CDH1: variants seen among roughly 807,000 people sequenced by gnomAD.
The protein encoded by CDH1 is cadherin 1, also known as cadherin-1.
A neutral mutation model predicts 84.5 loss-of-function variants in CDH1; 35 were observed. The ratio of observed to expected loss-of-function variants is 0.41; its 90% CI spans 0.32 to 0.55. CDH1 has a LOEUF of 0.55. Among genes scored for constraint, CDH1 ranks in the 20% least tolerant of loss-of-function variants. The pLI is 0.19. For missense variants in CDH1, 994 were observed against 1,126.6 expected (o/e 0.88, Z 1.68); for synonymous variants, 417 against 439.0 (o/e 0.95, Z 0.63).
intron 2 of CDH1, among the ~76,000 whole-genome samples, chr16:68,768,674 G>A (rs1017389709): frequency 6.6e-6 from 1 of 152,084 alleles, no homozygotes; most frequent in Non-Finnish European, 1.5e-5. Context: ...GCCTCCATAG[G>A]GAGATACCAT....
chr16:68,810,743 G>A (rs1307267185), intron 6 of CDH1, among the ~76,000 whole-genome samples: 1 of 151,828 alleles, frequency 6.6e-6, no homozygotes, highest in Non-Finnish European at 1.5e-5. Flanking sequence ...GCGGGGGCCT[G>A]TAATCCCAGC....
chr16:68,780,470 A>G lies in CDH1; in HGVS notation c.164-21200A>G, dbSNP rs552939781. Among the ~76,000 whole-genome samples, 6 of 151,976 alleles carry G rather than the reference A, an allele frequency of 3.9e-5. No individual in the cohort carries two copies. The South Asian group carries it at 1.2e-3, about 32-fold the overall frequency. On this transcript the variant is annotated intron_variant, in intron 2 of 15. Coordinates refer to ENST00000261769, the MANE Select transcript of CDH1 (RefSeq NM_004360.5). Reference sequence around the variant, plus strand: ...AGGTGTGCACCACCACACCTGGCTAATTTTTGTATTTTTAGTAGAGATAGG... The same window carrying G: ...AGGTGTGCACCACCACACCTGGCTAGTTTTTGTATTTTTAGTAGAGATAGG...
chr16:68,823,152 C>T, intron 12 of CDH1: 1 of 499,824 alleles, frequency 2.0e-6, no homozygotes, highest in South Asian at 2.1e-5. Context: ...TAAGCCTCTC[C>T]CTCCAGCCAC....
intron 2 of CDH1, among the ~76,000 whole-genome samples, chr16:68,800,740 C>T (rs1960474882): frequency 6.6e-6 from 1 of 152,220 alleles, no homozygotes; most frequent in Admixed American, 6.5e-5. Flanking sequence ...GGTCCCAGCT[C>T]AGATGGGCCT....
intron 2 of CDH1, among the ~76,000 whole-genome samples, chr16:68,745,136 C>A (rs1316792544): frequency 6.6e-6 from 1 of 151,486 alleles, no homozygotes; most frequent in Non-Finnish European, 1.5e-5. Flanking sequence ...CAGCTAGGGC[C>A]GGGGGAGTCG....
chr16:68,780,301 T>C (rs67359183), intron 2 of CDH1, among the ~76,000 whole-genome samples: 42,558 of 151,970 alleles, frequency 0.28, 6,065 homozygotes, highest in Middle Eastern at 0.33. Flanking sequence ...TATTTTATTA[T>C]TTTTTGTTTA....
In CDH1 at chr16:68,792,692, T is replaced by TTGAG. The variant is rs753601977; in HGVS notation, c.164-8976_164-8973dup. 5.3e-5 allele frequency among the ~76,000 whole-genome samples: 8 copies of TTGAG among 152,196 alleles called. No individual in the cohort carries two copies. Among genetic ancestry groups the TTGAG allele is most frequent in the Non-Finnish European group, 1.0e-4 (7 of 68,028 alleles). On this transcript the variant is annotated intron_variant, in intron 2 of 15. Transcript: ENST00000261769. The stretch of plus-strand genomic sequence containing the variant: ...CCCTTTGCCAGTGTGACCAAGTCGC[T>TTGAG]TGAGTAATCTTAAACAAAGGGAAAA...
chr16:68,757,727 C>CTCTT (rs140916126), intron 2 of CDH1, among the ~76,000 whole-genome samples: 1 of 151,894 alleles, frequency 6.6e-6, no homozygotes, highest in South Asian at 2.1e-4. Context: ...AAGTTTCTTT[C>CTCTT]TCTTTCTTTC....
intron 9 of CDH1, 63 bp from the exon 10 acceptor site, chr16:68,815,451 AT>A (rs1960954967): frequency 1.2e-6 from 2 of 1,606,062 alleles, no homozygotes; most frequent in Non-Finnish European, 1.7e-6. Flanking sequence ...TAAGGATTTA[AT>A]TTTATTTTTA....
chr16:68,823,467 C>T lies in CDH1; in HGVS notation c.2005C>T (p.Leu669Phe), dbSNP rs1490366214. 3.7e-6 allele frequency: 6 copies of T among 1,613,910 alleles called. No individual in the cohort carries two copies. The highest frequency in any genetic ancestry group is 3.3e-5 in the South Asian group (3 of 91,080). ...EVGDYKINLKLMDNQNKDQVT... is the reference protein window; with the variant it reads ...EVGDYKINLKFMDNQNKDQVT... Reference sequence around the variant, plus strand: ...GGGTGACTACAAAATCAATCTCAAGCTCATGGATAACCAGAATAAAGACCA... The same window carrying T: ...GGGTGACTACAAAATCAATCTCAAGTTCATGGATAACCAGAATAAAGACCA... The change falls in exon 13 of 16, where the codon CTC (leucine) becomes TTC (phenylalanine). Residue 669 changes from leucine (L) to phenylalanine (F), a missense_variant. This residue lies in a region of CDH1 where 769 missense variants were observed against 881.8 expected (regional missense o/e 0.87). Transcript: ENST00000261769.
chr16:68,813,471 C>T lies in CDH1; in HGVS notation c.1296C>T (p.Asn432=), dbSNP rs187862045. Reference sequence around the variant, plus strand: ...TCGTCACCACAAATCCAGTGAACAACGATGGCATTTTGAAAACAGCAAAGG... The same window carrying T: ...TCGTCACCACAAATCCAGTGAACAATGATGGCATTTTGAAAACAGCAAAGG... The part of the protein sequence containing the change: ...QFVVTTNPVN[N]DGILKTAKGL... Residue 432 remains asparagine (N), a synonymous_variant, in exon 9 of 16, where the codon AAC becomes AAT. Coordinates refer to ENST00000261769, the MANE Select transcript of CDH1 (RefSeq NM_004360.5). The T allele has an allele frequency of 4.0e-5, 65 of 1,614,146 alleles. No homozygotes were observed. The highest frequency in any genetic ancestry group is 6.7e-5 in the Admixed American group (4 of 60,020).
chr16:68,828,845 A>C (rs1174163413), intron 14 of CDH1, among the ~76,000 whole-genome samples: 2 of 152,158 alleles, frequency 1.3e-5, no homozygotes, highest in Non-Finnish European at 2.9e-5. Flanking sequence ...TATTATAGAA[A>C]GGGATCCATG....
At chr16:68,773,319 T>C (rs1337244970) in intron 2 of CDH1, among the ~76,000 whole-genome samples, 21 of 149,886 alleles carry the variant, frequency 1.4e-4, no homozygotes, top group African/African-American at 5.2e-4. Flanking sequence ...TTTGTTGAGA[T>C]GGAGTCTTGC....
In CDH1 at chr16:68,834,274, T is replaced by C; in HGVS notation, c.*775T>C. ...TGCCCAGCTCCCCAACTCCCTGCCA[T>C]TTTTTAAGAGACAGTTTCGCTCCAT... On this transcript the variant is annotated 3_prime_UTR_variant, in exon 16 of 16. Coordinates refer to ENST00000261769, the MANE Select transcript of CDH1 (RefSeq NM_004360.5). 1 of 511,394 alleles carries C rather than the reference T, an allele frequency of 2.0e-6. No individual in the cohort carries two copies. Among genetic ancestry groups the C allele is most frequent in the Non-Finnish European group, 3.8e-6 (1 of 260,648 alleles). The allele number at this position is 511,394 out of a possible 1,614,324, so 31.7% of individuals were successfully genotyped here.
intron 8 of CDH1, 66 bp from the exon 9 acceptor site, chr16:68,813,247 C>A (rs183223462): frequency 6.7e-7 from 1 of 1,483,426 alleles, no homozygotes; most frequent in Non-Finnish European, 9.4e-7. Context: ...ATCCTTTAGC[C>A]CCCTGAGACT....
rs10563852 is a variant in CDH1, at chr16:68,804,102, CTTTTTTTT to C, written c.387+2231_387+2238del. 6.7e-5 allele frequency among the ~76,000 whole-genome samples: 5 copies of C among 75,072 alleles called. No homozygotes were observed. The South Asian group carries it at 1.5e-3, about 22-fold the overall frequency. The allele number at this position is 75,072 out of a possible 152,430, so 49.3% of individuals were successfully genotyped here. A position where few individuals can be genotyped will look rare whatever the true frequency, so the allele number is the denominator to read the frequency against. On this transcript the variant is annotated intron_variant, in intron 3 of 15. Transcript: ENST00000261769. ...ATTCATTACTTAGTTATCTGTCTGC[CTTTTTTTT>C]TTTTTTTTTTTTTTTTTTTTTGAGA...
intron 2 of CDH1, among the ~76,000 whole-genome samples, chr16:68,788,516 C>T (rs980364125): frequency 6.6e-6 from 1 of 152,128 alleles, no homozygotes; most frequent in African/African-American, 2.4e-5. Context: ...GAACTGTGTA[C>T]TTTGGTGAAC....
chr16:68,755,453 C>T (rs894585747), intron 2 of CDH1, among the ~76,000 whole-genome samples: 4 of 151,738 alleles, frequency 2.6e-5, no homozygotes, highest in African/African-American at 9.7e-5. Context: ...GTTACGTTGC[C>T]CAGGCTAGTC....
chr16:68,779,985 A>G (rs1015380111), intron 2 of CDH1, among the ~76,000 whole-genome samples: 1 of 152,178 alleles, frequency 6.6e-6, no homozygotes, highest in African/African-American at 2.4e-5. Flanking sequence ...TCCCAGAATA[A>G]AAGCCCGGCT....
Sources: allele counts gnomAD v4.1 joint callset (sites outside exome capture counted in the v4.1 genomes callset), GRCh38; gene constraint gnomAD v4.1.1; regional missense constraint gnomAD v4.1.1; transcripts MANE v1.5; gene names NCBI Gene and HGNC (gene_info 2026-07-23, HGNC 2026-07-21).